The following HMGB1 variants were observed in gnomAD, a reference collection of about 807,000 sequenced individuals.
The protein encoded by HMGB1 is high mobility group protein B1.
For synonymous variants in HMGB1, 81 were observed against 84.0 expected, an observed-to-expected ratio of 0.96 and a Z score of 0.19; for missense variants, 79 against 253.5, an observed-to-expected ratio of 0.31 and a Z score of 4.67.
In HMGB1 at chr13:30,531,969, C is replaced by A. The variant is rs1888506096; in HGVS notation, c.-14-68275G>T. ...TACAAAACAGAAATCTAAAGTCCTT[C>A]ATAATTCTACTTCCCAAAGATAGCC... is the stretch of plus-strand genomic sequence containing the variant. On this transcript the variant is annotated intron_variant, in intron 1 of 4. Transcript: ENST00000405805. Among the ~76,000 whole-genome samples the A allele has an allele frequency of 3.3e-5, 5 of 151,840 alleles. No individual in the cohort carries two copies. The South Asian group carries it at 1.0e-3, about 32-fold the overall frequency.
At chr13:30,520,346 G>A (rs1043904417) in intron 1 of HMGB1, among the ~76,000 whole-genome samples, 3 of 149,426 alleles carry the variant, frequency 2.0e-5, no homozygotes, top group South Asian at 2.1e-4. Flanking sequence ...TAGGCTGGGC[G>A]CAGTGGCTCA....
In HMGB1 at chr13:30,463,663, A is replaced by C; in HGVS notation, c.18T>G (p.Pro6=). 1 of 1,576,336 alleles carries C rather than the reference A, an allele frequency of 6.3e-7. No homozygotes were observed. The highest frequency in any genetic ancestry group is 1.1e-5 in the South Asian group (1 of 87,538). Residue 6 remains proline, a synonymous_variant, in exon 2 of 5, where the codon CCT becomes CCG. Coordinates refer to ENST00000341423, the MANE Select transcript of HMGB1 (RefSeq NM_002128.7). Reference sequence around the variant, plus strand: ...ATGACATTTTGCCTCTCGGCTTCTTAGGATCTCCTTTGCCCATGTTTAGTT... The same window carrying C: ...ATGACATTTTGCCTCTCGGCTTCTTCGGATCTCCTTTGCCCATGTTTAGTT... MGKGD[P]KKPRGKMSSY... is the part of the protein sequence containing the mutation.
chr13:30,569,727 C>G (rs566198164), intron 1 of HMGB1, among the ~76,000 whole-genome samples: 2 of 152,094 alleles, frequency 1.3e-5, no homozygotes, highest in Admixed American at 6.6e-5. Context: ...TCCCAGAGTG[C>G]GCTCTCATGG....
intron 1 of HMGB1, among the ~76,000 whole-genome samples, chr13:30,481,982 A>G (rs1427882841): frequency 1.3e-5 from 2 of 152,084 alleles, no homozygotes; most frequent in Admixed American, 6.5e-5. Flanking sequence ...GGTGTGTGCC[A>G]CCACGCCCAG....
chr13:30,489,167 A>C (rs1887429689), intron 1 of HMGB1, among the ~76,000 whole-genome samples: 1 of 152,124 alleles, frequency 6.6e-6, no homozygotes, highest in Non-Finnish European at 1.5e-5. Flanking sequence ...CAACAGTACA[A>C]AACCCTAGAA....
At chr13:30,470,426 C>T (rs1169463317), upstream of HMGB1, among the ~76,000 whole-genome samples, 1 of 152,152 alleles carries the variant, frequency 6.6e-6, no homozygotes, top group Non-Finnish European at 1.5e-5. Flanking sequence ...GTGCCAATTA[C>T]ATCTCATTGA....
At chr13:30,558,646 C>G (rs952841637) in intron 1 of HMGB1, among the ~76,000 whole-genome samples, 2 of 152,122 alleles carry the variant, frequency 1.3e-5, no homozygotes, top group African/African-American at 4.8e-5. Flanking sequence ...GGCTATGAAA[C>G]CTTCCTTTTT....
In HMGB1 at chr13:30,514,354, T is replaced by C. The variant is rs1888057279; in HGVS notation, c.-14-50660A>G. 2.9e-5 allele frequency among the ~76,000 whole-genome samples: 3 copies of C among 103,758 alleles called. No individual in the cohort carries two copies. In the South Asian group the frequency reaches 9.5e-4, roughly 33 times the overall value. 68.1% of individuals were successfully genotyped at this position (103,758 alleles called of 152,430 possible). On this transcript the variant is annotated intron_variant, in intron 1 of 4. Coordinates refer to the HMGB1 transcript ENST00000405805. ...TATCCCTCAGGGTCTAGTTCAATCT[T>C]TTTTTTTTTTTTTTTTAAGAGATAG...
At chr13:30,466,927 C>A (rs950454875), upstream of HMGB1, among the ~76,000 whole-genome samples, 1 of 152,212 alleles carries the variant, frequency 6.6e-6, no homozygotes, top group Non-Finnish European at 1.5e-5. Flanking sequence ...TCCCATCACA[C>A]CACTTAGTGC....
intron 1 of HMGB1, among the ~76,000 whole-genome samples, chr13:30,598,182 A>AC (rs1376457714): frequency 4.6e-5 from 7 of 152,230 alleles, no homozygotes; most frequent in African/African-American, 1.7e-4. Context: ...ATAGACACAT[A>AC]CCCCAAGGTT....
intron 1 of HMGB1, among the ~76,000 whole-genome samples, chr13:30,496,384 C>T (rs1235716718): frequency 6.6e-6 from 1 of 152,242 alleles, no homozygotes; most frequent in Non-Finnish European, 1.5e-5. Context: ...GCACATGGGC[C>T]TCCCCGCTGC....
intron 1 of HMGB1, among the ~76,000 whole-genome samples, chr13:30,500,372 T>C (rs1414484291): frequency 1.3e-5 from 2 of 152,030 alleles, no homozygotes; most frequent in Admixed American, 1.3e-4. Flanking sequence ...ATGATATTCT[T>C]GTGTGTGTGT....
chr13:30,461,888 G>A (rs930702834), intron 4 of HMGB1, among the ~76,000 whole-genome samples: 1 of 151,822 alleles, frequency 6.6e-6, no homozygotes, highest in African/African-American at 2.4e-5. Flanking sequence ...GCACTCTACA[G>A]GTTTACACTG....
intron 1 of HMGB1, among the ~76,000 whole-genome samples, chr13:30,532,017 C>A (rs1244263884): frequency 6.6e-6 from 1 of 151,844 alleles, no homozygotes; most frequent in Non-Finnish European, 1.5e-5. Flanking sequence ...TTATAGATTT[C>A]TTTATGCATG....
intron 1 of HMGB1, among the ~76,000 whole-genome samples, chr13:30,512,194 C>T (rs992341016): frequency 1.3e-5 from 2 of 152,008 alleles, no homozygotes; most frequent in African/African-American, 2.4e-5. Context: ...AAAAGGATGC[C>T]TGCTCTGTAA....
intron 1 of HMGB1, among the ~76,000 whole-genome samples, chr13:30,565,753 T>G (rs543650762): frequency 1.6e-4 from 24 of 152,226 alleles, no homozygotes; most frequent in Non-Finnish European, 1.5e-4. Context: ...TGCCTAGGAG[T>G]GCTTCTCATT....
At chr13:30,589,838 C>G (rs1434175331) in intron 1 of HMGB1, among the ~76,000 whole-genome samples, 8 of 151,056 alleles carry the variant, frequency 5.3e-5, no homozygotes, top group African/African-American at 1.5e-4. Context: ...CCACTGCACT[C>G]TAGCCTGGGC....
chr13:30,594,810 A>T (rs546369930), intron 1 of HMGB1, among the ~76,000 whole-genome samples: 2 of 152,328 alleles, frequency 1.3e-5, no homozygotes, highest in Admixed American at 1.3e-4. Flanking sequence ...GGGTAGAACT[A>T]ATTTGCATTC....
In HMGB1 at chr13:30,462,700, G is replaced by A. The variant is rs1060348; in HGVS notation, c.309C>T (p.Phe103=). The part of the protein sequence containing the change: ...NAPKRPPSAF[F]LFCSEYRPKI... The stretch of plus-strand genomic sequence containing the variant: ...TTGGGCGATACTCAGAGCAGAAGAG[G>A]AAGAAGGCCGAACTAAAAAAAAAAT... Residue 103 remains phenylalanine (F), a synonymous_variant, in exon 4 of 5, where the codon TTC becomes TTT. Coordinates refer to ENST00000341423, the MANE Select transcript of HMGB1 (RefSeq NM_002128.7). The A allele has an allele frequency of 0.036, 57,152 of 1,607,636 alleles. 2,689 individuals are homozygous for A. The highest frequency in any genetic ancestry group is 0.24 in the African/African-American group (17,509 of 74,346).
Sources: gnomAD v4.1 joint callset for allele counts (sites outside exome capture counted in the v4.1 genomes callset) on GRCh38, gnomAD v4.1.1 for gene constraint, MANE v1.5 for transcripts, NCBI Gene and HGNC (gene_info 2026-07-23, HGNC 2026-07-21) for gene names.